TNIP3: variants seen among roughly 807,000 people sequenced by gnomAD.
TNIP3 encodes TNFAIP3 interacting protein 3, also known as TNFAIP3-interacting protein 3.
In TNIP3, 34 loss-of-function variants were observed where a neutral mutation model predicts 54.1. The observed-to-expected ratio is 0.63, with a 90% confidence interval of 0.48 to 0.84. The LOEUF (loss-of-function observed/expected upper bound fraction) is 0.84. Among genes scored for constraint, TNIP3 ranks in the 40% least tolerant of loss-of-function variants. The pLI is 0.00. For synonymous variants in TNIP3, 134 were observed against 136.8 expected (o/e 0.98, Z 0.14); for missense variants, 366 against 387.6 (o/e 0.94, Z 0.47).
chr4:121,173,276 T>C (rs959687326), intron 3 of TNIP3, among the ~76,000 whole-genome samples: 6 of 152,208 alleles, frequency 3.9e-5, no homozygotes, highest in Non-Finnish European at 8.8e-5. Context: ...TTTTGAGGGA[T>C]AGATATGAGG....
chr4:121,155,271 C>T (rs1343366299), intron 4 of TNIP3, among the ~76,000 whole-genome samples: 1 of 152,086 alleles, frequency 6.6e-6, no homozygotes, highest in Non-Finnish European at 1.5e-5. Context: ...ACAAATGGGT[C>T]TGCAGGATAA....
chr4:121,157,027 A>T, intron 4 of TNIP3, 67 bp downstream of exon 4: 1 of 1,597,402 alleles, frequency 6.3e-7, no homozygotes, highest in Non-Finnish European at 8.5e-7. Flanking sequence ...GGTTTTCTAC[A>T]GGAAATCCCC....
chr4:121,225,948 C>T (rs1232668380), intron 1 of TNIP3, among the ~76,000 whole-genome samples: 2 of 152,022 alleles, frequency 1.3e-5, no homozygotes, highest in African/African-American at 2.4e-5. Flanking sequence ...CAGTCAATTT[C>T]CCATGTTTAA....
intron 2 of TNIP3, among the ~76,000 whole-genome samples, chr4:121,159,345 T>A (rs951231239): frequency 1.3e-5 from 2 of 152,222 alleles, no homozygotes; most frequent in Non-Finnish European, 1.5e-5. Context: ...AACTTTTAAC[T>A]TTTTTTAGTT....
chr4:121,219,710 A>G (rs1726952896), upstream of TNIP3, among the ~76,000 whole-genome samples: 1 of 152,182 alleles, frequency 6.6e-6, no homozygotes, highest in African/African-American at 2.4e-5. Flanking sequence ...AAAAATTACC[A>G]ACGAATTCTT....
chr4:121,159,136 G>A (rs1730293929), intron 2 of TNIP3, among the ~76,000 whole-genome samples: 1 of 152,152 alleles, frequency 6.6e-6, no homozygotes, highest in Admixed American at 6.5e-5. Flanking sequence ...CCAGCTACTG[G>A]GGAGGCTGAG....
At chr4:121,147,668 A>C (rs1405766658) in intron 6 of TNIP3, among the ~76,000 whole-genome samples, 1 of 152,210 alleles carries the variant, frequency 6.6e-6, no homozygotes, top group Non-Finnish European at 1.5e-5. Context: ...TACTGTTTTC[A>C]ACTGACTTAC....
At chr4:121,163,534 T>C (rs976122024) in intron 1 of TNIP3, among the ~76,000 whole-genome samples, 2 of 152,214 alleles carry the variant, frequency 1.3e-5, no homozygotes, top group Non-Finnish European at 2.9e-5. Context: ...TCCTTACCAA[T>C]GTATATTCAA....
intron 2 of TNIP3, among the ~76,000 whole-genome samples, chr4:121,189,458 C>A (rs570817111): frequency 6.6e-6 from 1 of 152,276 alleles, no homozygotes; most frequent in East Asian, 1.9e-4. Context: ...AATCAAGCAG[C>A]AATTTTCAGG....
intron 2 of TNIP3, among the ~76,000 whole-genome samples, chr4:121,205,993 A>G (rs753354214): frequency 2.6e-5 from 4 of 152,148 alleles, no homozygotes; most frequent in African/African-American, 4.8e-5. Context: ...TAAAGGGGGA[A>G]GTCCCCTTGT....
At chr4:121,151,065 A>T (rs569650273) in intron 5 of TNIP3, among the ~76,000 whole-genome samples, 1 of 152,342 alleles carries the variant, frequency 6.6e-6, no homozygotes, top group South Asian at 2.1e-4. Flanking sequence ...TATGAAAGAC[A>T]TTGCCTCTAT....
chr4:121,203,952 A>AAT (rs1033208315), intron 2 of TNIP3, among the ~76,000 whole-genome samples: 1 of 148,428 alleles, frequency 6.7e-6, no homozygotes, highest in Non-Finnish European at 1.5e-5. Flanking sequence ...TTCTTTTTAA[A>AAT]ATATATATAT....
chr4:121,185,035 C>A (rs762781382), intron 2 of TNIP3, among the ~76,000 whole-genome samples: 1 of 152,204 alleles, frequency 6.6e-6, no homozygotes, highest in Non-Finnish European at 1.5e-5. Context: ...GACTTGCCTG[C>A]CAAGATGTCA....
Position 121,142,732 on chromosome 4 carries a change from T to A in TNIP3, c.780A>T (p.Leu260Phe). The change falls in exon 8 of 11, where the codon TTA becomes TTT. Residue 260 changes from leucine (L) to phenylalanine (F), a missense_variant. Leu to Phe is a conservative substitution (Grantham distance 22). Coordinates refer to ENST00000057513, the MANE Select transcript of TNIP3 (RefSeq NM_024873.6). The stretch of plus-strand genomic sequence containing the variant: ...GAAAATTAGATCAACATACCTGTTT[T>A]AATTGCTTTTCTAGTTTTTCTTTCT... ...QMEKEKLEKQLKQMYCPPCNC... is the reference protein window; with the variant it reads ...QMEKEKLEKQFKQMYCPPCNC... 2 of 1,611,868 alleles carry A rather than the reference T, an allele frequency of 1.2e-6. No homozygotes were observed. Among genetic ancestry groups the A allele is most frequent in the Non-Finnish European group, 1.7e-6 (2 of 1,178,168 alleles).
chr4:121,181,439 C>A (rs553399961), intron 3 of TNIP3, among the ~76,000 whole-genome samples: 1 of 152,258 alleles, frequency 6.6e-6, no homozygotes, highest in East Asian at 1.9e-4. Context: ...GACCTCATAA[C>A]CATTAGTACA....
chr4:121,208,782 G>A (rs554292344), intron 2 of TNIP3, among the ~76,000 whole-genome samples: 5 of 152,260 alleles, frequency 3.3e-5, no homozygotes, highest in Middle Eastern at 3.4e-3. Context: ...TTTCTTAAGC[G>A]ATAAGAATGA....
chr4:121,160,432 T>C (rs1028921652), intron 2 of TNIP3, among the ~76,000 whole-genome samples: 6 of 151,484 alleles, frequency 4.0e-5, no homozygotes, highest in Non-Finnish European at 7.4e-5. Flanking sequence ...TGAGCTGAGA[T>C]CGTGCCACTG....
intron 10 of TNIP3, among the ~76,000 whole-genome samples, chr4:121,136,941 A>G (rs965355811): frequency 1.3e-5 from 2 of 151,708 alleles, no homozygotes; most frequent in African/African-American, 4.8e-5. Context: ...ACACTGTTAC[A>G]TGGTATGTTT....
At chr4:121,148,276 T>A (rs1729546187) in intron 6 of TNIP3, among the ~76,000 whole-genome samples, 1 of 152,206 alleles carries the variant, frequency 6.6e-6, no homozygotes, top group South Asian at 2.1e-4. Flanking sequence ...GGGTGCCTGA[T>A]TAGAAACGTG....
Sources: gnomAD v4.1 joint callset for allele counts (sites outside exome capture counted in the v4.1 genomes callset) on GRCh38, gnomAD v4.1.1 for gene constraint, MANE v1.5 for transcripts, NCBI Gene and HGNC (gene_info 2026-07-23, HGNC 2026-07-21) for gene names.